SDK2: variants seen among roughly 807,000 people sequenced by gnomAD.
The protein encoded by SDK2 is sidekick cell adhesion molecule 2, also known as protein sidekick-2.
SDK2 carries 105 observed loss-of-function variants against 253.9 expected under a neutral mutation model. The ratio of observed to expected loss-of-function variants is 0.41; its 90% confidence interval spans 0.35 to 0.49. The LOEUF (loss-of-function observed/expected upper bound fraction) is 0.49. Among genes scored for constraint, SDK2 ranks in the 20% least tolerant of loss-of-function variants. SDK2 has a pLI of 0.06. For missense variants in SDK2, 2,608 were observed against 3,003.0 expected (o/e 0.87, Z 3.07); for synonymous variants, 1,249 against 1,234.9 (o/e 1.01, Z -0.24).
chr17:73,466,715 G>GCCCC (rs869108125), intron 3 of SDK2, among the ~76,000 whole-genome samples: 3 of 107,062 alleles, frequency 2.8e-5, no homozygotes, highest in African/African-American at 1.4e-4. Flanking sequence ...TCTGGGGAAC[G>GCCCC]CCCCCCCCCC....
chr17:73,636,573 C>T (rs555068240), intron 1 of SDK2, among the ~76,000 whole-genome samples: 3 of 147,776 alleles, frequency 2.0e-5, no homozygotes, highest in East Asian at 2.1e-4. Flanking sequence ...CCTAGCTACT[C>T]GGGAGGCTGG....
intron 1 of SDK2, among the ~76,000 whole-genome samples, chr17:73,562,021 G>A (rs2045243202): frequency 6.6e-6 from 1 of 152,188 alleles, no homozygotes; most frequent in African/African-American, 2.4e-5. Context: ...AGCTGCTTGG[G>A]AGGCTAAGGC....
At chr17:73,567,171 A>T (rs1455979200) in intron 1 of SDK2, among the ~76,000 whole-genome samples, 1 of 152,216 alleles carries the variant, frequency 6.6e-6, no homozygotes, top group East Asian at 1.9e-4. Context: ...CGGCCCCAGG[A>T]GGCTGCTCCC....
intron 1 of SDK2, among the ~76,000 whole-genome samples, chr17:73,620,955 G>C (rs1351929654): frequency 2.6e-5 from 4 of 152,200 alleles, no homozygotes; most frequent in Non-Finnish European, 5.9e-5. Context: ...ACAATATTGT[G>C]AATGTACTCA....
Position 73,365,404 on chromosome 17 carries a change from G to A in SDK2, c.5168-9C>T. ...GCTGGGAGCGCTGGGGGCTGCGGGA[G>A]ACAGCAAAGGGTTTTTGTTTCCTTC... is the stretch of plus-strand genomic sequence containing the variant. On this transcript the variant is annotated splice_polypyrimidine_tract_variant and intron_variant, in intron 37 of 44. Transcript: ENST00000392650. The A allele has an allele frequency of 6.3e-7, 1 of 1,598,692 alleles. No individual in the cohort carries two copies. The highest frequency in any genetic ancestry group is 8.5e-7 in the Non-Finnish European group (1 of 1,173,876).
intron 1 of SDK2, among the ~76,000 whole-genome samples, chr17:73,601,346 T>C (rs1409561179): frequency 6.6e-6 from 1 of 152,114 alleles, no homozygotes; most frequent in Non-Finnish European, 1.5e-5. Flanking sequence ...TTTAAGCACA[T>C]GGACCCTTTG....
rs566756597 is a variant in SDK2 at position 73,543,779 on chromosome 17, G to C, written c.65-36182C>G. On this transcript the variant is annotated intron_variant, in intron 1 of 44. Transcript: ENST00000392650. ...GCACAAGGGCCAGGCCCGCCCTCCAGGAATCCCAAGGTGCAGGGGGAGAGG... is the reference window on the plus strand; with the variant it reads ...GCACAAGGGCCAGGCCCGCCCTCCACGAATCCCAAGGTGCAGGGGGAGAGG... Among the ~76,000 whole-genome samples, 18 of 152,362 alleles carry C rather than the reference G, an allele frequency of 1.2e-4. No homozygotes were observed. In the South Asian group the frequency reaches 2.7e-3, roughly 23 times the overall value.
intron 16 of SDK2, among the ~76,000 whole-genome samples, chr17:73,418,196 T>C (rs2145576598): frequency 1.3e-5 from 2 of 152,202 alleles, no homozygotes; most frequent in Admixed American, 1.3e-4. Context: ...TTAGTGAAGA[T>C]GGGGTTTCAC....
At chr17:73,427,963 C>T (rs987964267) in intron 12 of SDK2, among the ~76,000 whole-genome samples, 1 of 152,198 alleles carries the variant, frequency 6.6e-6, no homozygotes, top group African/African-American at 2.4e-5. Flanking sequence ...TGATAAAGCA[C>T]TGCTATCCAA....
chr17:73,508,314 C>T (rs778701215), intron 1 of SDK2, among the ~76,000 whole-genome samples: 10 of 152,256 alleles, frequency 6.6e-5, no homozygotes, highest in East Asian at 3.8e-4. Flanking sequence ...ACGGTTCTCT[C>T]GACAGAGACC....
rs765448679 is a variant in SDK2 at position 73,507,420 on chromosome 17, C to T, written c.224+18G>A. ...TGGTCCTGGCAGCCAGGAGGAAGGG[C>T]GGGGAGGGGCAGTTTACCTGTATTC... On this transcript the variant is annotated intron_variant, in intron 2 of 44. Coordinates refer to ENST00000392650, the MANE Select transcript of SDK2 (RefSeq NM_001144952.2). 4.6e-5 allele frequency: 71 copies of T among 1,545,194 alleles called. No individual in the cohort carries two copies. In the Middle Eastern group the frequency reaches 9.0e-4, roughly 20 times the overall value.
At chr17:73,474,081 G>A (rs976888101) in intron 2 of SDK2, among the ~76,000 whole-genome samples, 1 of 152,106 alleles carries the variant, frequency 6.6e-6, no homozygotes, top group African/African-American at 2.4e-5. Flanking sequence ...TTCTCAGGCT[G>A]GTCTTGAATT....
chr17:73,402,083 T>C lies in SDK2; in HGVS notation c.2543A>G (p.Asn848Ser). The C allele has an allele frequency of 6.2e-7, 1 of 1,614,016 alleles. No homozygotes were observed. Among genetic ancestry groups the C allele is most frequent in the Non-Finnish European group, 8.5e-7 (1 of 1,179,882 alleles). Residue 848 changes from asparagine (N) to serine (S), a missense_variant, in exon 19 of 45, where the codon AAC becomes AGC. Asn to Ser is a conservative substitution (Grantham distance 46). Around this residue, in one of 2 missense-constraint regions of SDK2, gnomAD observed 1,505 missense variants for 1,859.1 expected, o/e 0.81. Transcript: ENST00000392650. ...GCCCACGTGGATGCTGTCTTGAAAG[T>C]TAGGCCGGGCGGTCACCATGGTAAC... Reference protein sequence around the residue: ...EEVTMVTARPNFQDSIHVGFV... With the variant: ...EEVTMVTARPSFQDSIHVGFV...
At chr17:73,413,031 C>T (rs1186345384) in intron 18 of SDK2, among the ~76,000 whole-genome samples, 1 of 152,172 alleles carries the variant, frequency 6.6e-6, no homozygotes, top group Non-Finnish European at 1.5e-5. Flanking sequence ...CCCCAATCCC[C>T]CACGGACCAC....
In SDK2 at chr17:73,496,425, C is replaced by T. The variant is rs1216195608; in HGVS notation, c.224+11013G>A. Among the ~76,000 whole-genome samples, 3 of 152,000 alleles carry T rather than the reference C, an allele frequency of 2.0e-5. No homozygotes were observed. The highest frequency in any genetic ancestry group is 4.4e-5 in the Non-Finnish European group (3 of 68,012). On this transcript the variant is annotated intron_variant, in intron 2 of 44. Coordinates refer to ENST00000392650, the MANE Select transcript of SDK2 (RefSeq NM_001144952.2). The surrounding 1 kb of genome is among the most constrained non-coding windows in gnomAD (Gnocchi z 4.7). ...CGGTTTGCCAGGTAGCAGAGGCGTG[C>T]GAGGACGGTAGAGGTGGAGGACAGA... is the stretch of plus-strand genomic sequence containing the variant.
At chr17:73,495,415 A>C (rs2063834784) in intron 2 of SDK2, among the ~76,000 whole-genome samples, 1 of 152,220 alleles carries the variant, frequency 6.6e-6, no homozygotes, top group Non-Finnish European at 1.5e-5. Flanking sequence ...AACACCTTAC[A>C]TCACGCATGA....
chr17:73,453,079 CTT>C (rs1234644127), intron 4 of SDK2, among the ~76,000 whole-genome samples: 1 of 152,244 alleles, frequency 6.6e-6, no homozygotes, highest in Non-Finnish European at 1.5e-5. Flanking sequence ...TGTCCCGTGA[CTT>C]TGCAGGTCCT....
At chr17:73,391,944 G>A (rs966814223) in intron 27 of SDK2, among the ~76,000 whole-genome samples, 1 of 108,002 alleles carries the variant, frequency 9.3e-6, no homozygotes, top group Non-Finnish European at 1.8e-5. Flanking sequence ...CCCACCCCCA[G>A]CCTGCACCAC....
At chr17:73,591,976 G>A (rs2045688577) in intron 1 of SDK2, among the ~76,000 whole-genome samples, 2 of 152,298 alleles carry the variant, frequency 1.3e-5, no homozygotes, top group African/African-American at 2.4e-5. Context: ...CCTCTCTGGG[G>A]ACGTGGGGTA....
Sources: gnomAD v4.1 joint callset for allele counts (sites outside exome capture counted in the v4.1 genomes callset) on GRCh38, gnomAD v4.1.1 for gene constraint, gnomAD v4.1.1 regional missense constraint, Gnocchi (gnomAD v3.1) non-coding constraint, MANE v1.5 for transcripts, NCBI Gene and HGNC (gene_info 2026-07-23, HGNC 2026-07-21) for gene names.